Variants in CREB5 observed in about 807,000 individuals in gnomAD.
CREB5 encodes the protein cyclic AMP-responsive element-binding protein 5.
Under a neutral mutation model 57.1 loss-of-function variants are expected in CREB5, and 19 were observed. The ratio of observed to expected loss-of-function variants is 0.33; its 90% CI spans 0.23 to 0.49. The LOEUF (loss-of-function observed/expected upper bound fraction) is 0.49. Among genes scored for constraint, CREB5 ranks in the 20% least tolerant of loss-of-function variants. The pLI is 0.99. For missense variants in CREB5, 579 were observed against 671.6 expected (o/e 0.86, Z 1.52); for synonymous variants, 238 against 238.3 (o/e 1.00, Z 0.01).
intron 5 of CREB5, among the ~76,000 whole-genome samples, chr7:28,682,697 A>ATC (rs1800663827): frequency 6.7e-6 from 1 of 149,244 alleles, no homozygotes; most frequent in Admixed American, 6.7e-5. Context: ...GGGGGGGGAA[A>ATC]CCCCAGCTCT....
At chr7:28,787,716 G>A (rs1003243229) in intron 7 of CREB5, among the ~76,000 whole-genome samples, 1 of 152,144 alleles carries the variant, frequency 6.6e-6, no homozygotes, top group Non-Finnish European at 1.5e-5. Flanking sequence ...CACCACACCT[G>A]GCTAATGTCT....
chr7:28,391,739 A>T (rs1787220435), intron 1 of CREB5, among the ~76,000 whole-genome samples: 1 of 152,196 alleles, frequency 6.6e-6, no homozygotes, highest in Non-Finnish European at 1.5e-5. Context: ...CAGAACAACA[A>T]ATCAATCTTC....
rs1431169829 is a variant in CREB5, at chr7:28,370,609, TTAAA to T, written c.-25+71172_-25+71175del. Among the ~76,000 whole-genome samples, 15 of 152,312 alleles carry T rather than the reference TTAAA, an allele frequency of 9.8e-5. No individual in the cohort carries two copies. In the East Asian group the frequency reaches 2.9e-3, roughly 29 times the overall value. On this transcript the variant is annotated intron_variant, in intron 1 of 9. Transcript: ENST00000396299. ...CTTTTGGGGAAAATATATTTTATAC[TTAAA>T]TAATAATAAATAAGGTAGAAGCACT...
intron 1 of CREB5, among the ~76,000 whole-genome samples, chr7:28,388,312 C>T (rs150264229): frequency 2.9e-3 from 440 of 152,278 alleles, no homozygotes; most frequent in Admixed American, 7.1e-3. Flanking sequence ...AAGATTTCCT[C>T]GTTCTCTTTA....
At chr7:28,610,250 C>G (rs1376716325) in intron 5 of CREB5, among the ~76,000 whole-genome samples, 1 of 152,048 alleles carries the variant, frequency 6.6e-6, no homozygotes, top group Non-Finnish European at 1.5e-5. Flanking sequence ...GAGCTGGAAG[C>G]AAGGGGAGGG....
At chr7:28,303,743 C>T (rs1785140525) in intron 1 of CREB5, among the ~76,000 whole-genome samples, 1 of 152,082 alleles carries the variant, frequency 6.6e-6, no homozygotes, top group African/African-American at 2.4e-5. Flanking sequence ...CCAAAATATA[C>T]ACATGTACAT....
intron 4 of CREB5, among the ~76,000 whole-genome samples, chr7:28,560,985 CGTGT>C (rs1364771142): frequency 1.5e-4 from 4 of 27,350 alleles, no homozygotes; most frequent in South Asian, 3.6e-3. Context: ...TGTGTGCGTG[CGTGT>C]GTGTGCCTGC....
At chr7:28,323,036 A>G (rs1004343724) in intron 1 of CREB5, among the ~76,000 whole-genome samples, 7 of 152,136 alleles carry the variant, frequency 4.6e-5, no homozygotes, top group Admixed American at 1.3e-4. Context: ...TTGACCACCA[A>G]CAAATCATTG....
chr7:28,616,142 G>A (rs1206435105), intron 5 of CREB5, among the ~76,000 whole-genome samples: 1 of 152,080 alleles, frequency 6.6e-6, no homozygotes, highest in Non-Finnish European at 1.5e-5. Context: ...GGTAATTAGG[G>A]GCTTTTAGGT....
At chr7:28,782,772 G>A (rs775829283) in intron 7 of CREB5, among the ~76,000 whole-genome samples, 2 of 152,178 alleles carry the variant, frequency 1.3e-5, no homozygotes, top group Non-Finnish European at 2.9e-5. Flanking sequence ...GCTAAGTTCA[G>A]CAACCAATGA....
intron 4 of CREB5, among the ~76,000 whole-genome samples, chr7:28,559,791 G>C (rs1795009619): frequency 6.6e-6 from 1 of 152,218 alleles, no homozygotes; most frequent in African/African-American, 2.4e-5. Flanking sequence ...CACTGAGCTA[G>C]GTGCTAGCGA....
intron 1 of CREB5, among the ~76,000 whole-genome samples, chr7:28,334,448 T>G (rs1229026682): frequency 6.6e-6 from 1 of 152,172 alleles, no homozygotes; most frequent in African/African-American, 2.4e-5. Flanking sequence ...TGAGCCACCA[T>G]GCCCAGCTAA....
intron 1 of CREB5, among the ~76,000 whole-genome samples, chr7:28,381,723 G>T (rs1786971248): frequency 6.6e-6 from 1 of 152,138 alleles, no homozygotes; most frequent in Non-Finnish European, 1.5e-5. Context: ...TCTTAACCCA[G>T]CTGAGAAAGT....
intron 4 of CREB5, among the ~76,000 whole-genome samples, chr7:28,540,002 G>A (rs1257837128): frequency 6.6e-6 from 1 of 152,190 alleles, no homozygotes; most frequent in East Asian, 1.9e-4. Flanking sequence ...GTAATGTGGG[G>A]TCTTTCAGGG....
intron 5 of CREB5, among the ~76,000 whole-genome samples, chr7:28,657,904 C>T (rs903596381): frequency 2.0e-5 from 3 of 152,016 alleles, no homozygotes; most frequent in African/African-American, 7.2e-5. Context: ...GTTTTTATGG[C>T]TTTATGTGTG....
intron 5 of CREB5, among the ~76,000 whole-genome samples, chr7:28,579,999 A>G (rs181091263): frequency 1.2e-4 from 19 of 152,306 alleles, no homozygotes; most frequent in Admixed American, 4.6e-4. Flanking sequence ...TAGATTAAAG[A>G]GAAGGTAAAT....
At chr7:28,686,206 T>C in intron 5 of CREB5, 2 of 1,603,748 alleles carry the variant, frequency 1.2e-6, no homozygotes, top group Non-Finnish European at 1.7e-6. Flanking sequence ...AGGTTTGTTT[T>C]TAATTTTATT....
At chr7:28,732,943 C>T (rs376704099) in intron 7 of CREB5, among the ~76,000 whole-genome samples, 3 of 147,246 alleles carry the variant, frequency 2.0e-5, no homozygotes, top group East Asian at 2.0e-4. Context: ...GTCTTTTTAT[C>T]GCTTGTTTGA....
At chr7:28,440,201 G>A (rs1356829001) in intron 1 of CREB5, among the ~76,000 whole-genome samples, 3 of 152,076 alleles carry the variant, frequency 2.0e-5, no homozygotes, top group East Asian at 1.9e-4. Context: ...TATCCATGTC[G>A]CACTCCAGTC....
Sources: gnomAD v4.1 joint callset for allele counts (sites outside exome capture counted in the v4.1 genomes callset) on GRCh38, gnomAD v4.1.1 for gene constraint, MANE v1.5 for transcripts, NCBI Gene and HGNC (gene_info 2026-07-23, HGNC 2026-07-21) for gene names.